UGT2B17: variants seen among roughly 807,000 people sequenced by gnomAD.
The protein encoded by UGT2B17 is UDP-glucuronosyltransferase 2B17.
Under a neutral mutation model 48.2 loss-of-function variants are expected in UGT2B17, and 21 were observed. The ratio of observed to expected loss-of-function variants is 0.44; its 90% confidence interval spans 0.31 to 0.63. UGT2B17 has a LOEUF of 0.63. UGT2B17 is among the 20% of genes least tolerant of loss of function. UGT2B17 has a pLI of 0.08. For synonymous variants in UGT2B17, 146 were observed against 238.4 expected, an observed-to-expected ratio of 0.61 and a Z score of 3.57; for missense variants, 402 against 696.1, an observed-to-expected ratio of 0.58 and a Z score of 4.75.
chr4:68,547,950 A>G (rs1369805321), intron 6 of UGT2B17, among the ~76,000 whole-genome samples: 1 of 126,658 alleles, frequency 7.9e-6, no homozygotes, highest in Non-Finnish European at 1.7e-5. Context: ...GGATATGGAG[A>G]AATAGGAACA....
Position 68,559,249 on chromosome 4 carries a change from G to T in UGT2B17, c.1005+1288C>A, listed in dbSNP as rs186561540. Among the ~76,000 whole-genome samples the T allele has an allele frequency of 2.8e-3, 351 of 125,446 alleles. 78 individuals carry two copies. Among genetic ancestry groups the T allele is most frequent in the Non-Finnish European group, 4.4e-3 (260 of 59,240 alleles). The allele number at this position is 125,446 out of a possible 152,430, so 82.3% of individuals were successfully genotyped here. On this transcript the variant is annotated intron_variant, in intron 4 of 6. Transcript: ENST00000317746. Reference sequence around the variant, plus strand: ...ACTAAATACTTAAACTGCACATATGGTGAGAAATAATGCTACATATGTAGT... The same window carrying T: ...ACTAAATACTTAAACTGCACATATGTTGAGAAATAATGCTACATATGTAGT...
intron 6 of UGT2B17, among the ~76,000 whole-genome samples, chr4:68,541,335 C>A (rs1273917094): frequency 7.9e-6 from 1 of 126,316 alleles, no homozygotes; most frequent in Non-Finnish European, 1.7e-5. Context: ...TTAATCATCT[C>A]CATTCTGACT....
chr4:68,547,334 C>T lies in UGT2B17; in HGVS notation c.1313+3343G>A, dbSNP rs1730833314. Among the ~76,000 whole-genome samples the T allele has an allele frequency of 1.6e-5, 2 of 126,398 alleles. 1 individual carries two copies. The highest frequency in any genetic ancestry group is 3.4e-5 in the Non-Finnish European group (2 of 59,674). The allele number at this position is 126,398 out of a possible 152,430, so 82.9% of individuals were successfully genotyped here. A position where few individuals can be genotyped will look rare whatever the true frequency, so the allele number is the denominator to read the frequency against. Reference sequence around the variant, plus strand: ...AAACAAGAAATGGGGAAAGGATTCCCTATTTAATAAATGGTGCTAGGAAAA... The same window carrying T: ...AAACAAGAAATGGGGAAAGGATTCCTTATTTAATAAATGGTGCTAGGAAAA... On this transcript the variant is annotated intron_variant, in intron 6 of 6. Transcript: ENST00000317746.
At chr4:68,558,662 T>C (rs1731048416) in intron 4 of UGT2B17, among the ~76,000 whole-genome samples, 1 of 126,088 alleles carries the variant, frequency 7.9e-6, no homozygotes, top group African/African-American at 2.7e-5. Flanking sequence ...CAGGACCTGC[T>C]TAGGAATAAA....
intron 6 of UGT2B17, among the ~76,000 whole-genome samples, chr4:68,545,202 A>C (rs1232289865): frequency 7.9e-6 from 1 of 126,472 alleles, no homozygotes; most frequent in African/African-American, 2.7e-5. Flanking sequence ...AATGTAAAAG[A>C]ACAGAAATTA....
rs560233063 is a variant in UGT2B17 at position 68,542,142 on chromosome 4, C to T, written c.1314-4238G>A. 1.4e-3 allele frequency among the ~76,000 whole-genome samples: 175 copies of T among 126,284 alleles called. 37 individuals are homozygous for T. Among genetic ancestry groups the T allele is most frequent in the Non-Finnish European group, 9.6e-4 (57 of 59,618 alleles). The allele number at this position is 126,284 out of a possible 152,430, so 82.8% of individuals were successfully genotyped here. A position where few individuals can be genotyped will look rare whatever the true frequency, so the allele number is the denominator to read the frequency against. On this transcript the variant is annotated intron_variant, in intron 6 of 6. Coordinates refer to ENST00000317746, the MANE Select transcript of UGT2B17 (RefSeq NM_001077.4). Reference sequence around the variant, plus strand: ...AAATAGGGAATCCTTCCCCTAATTGCTTGTTTTTGTCAGGTTTGTCAAAGA... The same window carrying T: ...AAATAGGGAATCCTTCCCCTAATTGTTTGTTTTTGTCAGGTTTGTCAAAGA...
chr4:68,547,787 A>G (rs934988555), intron 6 of UGT2B17, among the ~76,000 whole-genome samples: 3 of 127,068 alleles, frequency 2.4e-5, no homozygotes, highest in African/African-American at 8.1e-5. Context: ...ACACTTCTCA[A>G]AAGAAGACAT....
chr4:68,553,711 C>G (rs1487757342), intron 4 of UGT2B17, among the ~76,000 whole-genome samples: 1 of 124,676 alleles, frequency 8.0e-6, no homozygotes, highest in Admixed American at 8.3e-5. Context: ...TTATTTTTTT[C>G]CTCCTAGGAA....
Position 68,558,515 on chromosome 4 carries a change from G to C in UGT2B17, c.1005+2022C>G. Among the ~76,000 whole-genome samples, 2 of 126,114 alleles carry C rather than the reference G, an allele frequency of 1.6e-5. 1 individual carries two copies. Among genetic ancestry groups the C allele is most frequent in the Non-Finnish European group, 3.4e-5 (2 of 59,350 alleles). The allele number at this position is 126,114 out of a possible 152,430, so 82.7% of individuals were successfully genotyped here. ...TTTCATACCTGCCTACTGATTTATG[G>C]ACTTCAGAGTAATGTGGCCTATATT... On this transcript the variant is annotated intron_variant, in intron 4 of 6. Transcript: ENST00000317746.
chr4:68,542,612 G>A (rs1351581801), intron 6 of UGT2B17, among the ~76,000 whole-genome samples: 1 of 126,312 alleles, frequency 7.9e-6, no homozygotes, highest in African/African-American at 2.7e-5. Context: ...TGGGTGCAGC[G>A]CACCACGTGT....
At chr4:68,552,827 C>T (rs892286563) in intron 4 of UGT2B17, among the ~76,000 whole-genome samples, 2 of 125,374 alleles carry the variant, frequency 1.6e-5, no homozygotes, top group African/African-American at 2.7e-5. Context: ...CTGTACAACT[C>T]CTTTTTTTTT....
chr4:68,542,936 C>T lies in UGT2B17; in HGVS notation c.1314-5032G>A, dbSNP rs867213332. Among the ~76,000 whole-genome samples, 8 of 126,626 alleles carry T rather than the reference C, an allele frequency of 6.3e-5. 2 individuals carry two copies. The highest frequency in any genetic ancestry group is 7.9e-3 in the Middle Eastern group (2 of 254). 83.1% of individuals were successfully genotyped at this position (126,626 alleles called of 152,430 possible). ...CCATGGATTGAATAGGTAAACAAAGCGGCCCAGAAGCTTGAACTGGGTGGA... is the reference window on the plus strand; with the variant it reads ...CCATGGATTGAATAGGTAAACAAAGTGGCCCAGAAGCTTGAACTGGGTGGA... On this transcript the variant is annotated intron_variant, in intron 6 of 6. Coordinates refer to ENST00000317746, the MANE Select transcript of UGT2B17 (RefSeq NM_001077.4).
chr4:68,569,598 C>T (rs1731268069), intron 1 of UGT2B17, among the ~76,000 whole-genome samples: 1 of 124,698 alleles, frequency 8.0e-6, no homozygotes, highest in African/African-American at 2.8e-5. Flanking sequence ...CTCCTCCCTT[C>T]TCAGGCCCAG....
At position 68,547,836 on chromosome 4, in the gene UGT2B17, C is replaced by T. The variant is rs148721966; in HGVS notation, c.1313+2841G>A. On this transcript the variant is annotated intron_variant, in intron 6 of 6. Transcript: ENST00000317746. The stretch of plus-strand genomic sequence containing the variant: ...AGACATATGAAAAAATGCTCATCAT[C>T]GCTGGCCATCAGAGAAATGCAAATC... Among the ~76,000 whole-genome samples the T allele has an allele frequency of 6.9e-4, 87 of 126,742 alleles. 19 individuals are homozygous for T. The highest frequency in any genetic ancestry group is 1.6e-3 in the African/African-American group (61 of 37,116). The allele number at this position is 126,742 out of a possible 152,430, so 83.1% of individuals were successfully genotyped here. A position where few individuals can be genotyped will look rare whatever the true frequency, so the allele number is the denominator to read the frequency against.
At position 68,542,643 on chromosome 4, in the gene UGT2B17, A is replaced by G. The variant is rs1267625462; in HGVS notation, c.1314-4739T>C. On this transcript the variant is annotated intron_variant, in intron 6 of 6. Transcript: ENST00000317746. ...CGTGTGAGCCAAAGCATGGCGAGGC[A>G]TTGCCTCATCAGGGAAGCACAAGGG... Among the ~76,000 whole-genome samples, 3 of 127,008 alleles carry G rather than the reference A, an allele frequency of 2.4e-5. 1 individual carries two copies. Among genetic ancestry groups the G allele is most frequent in the Non-Finnish European group, 5.0e-5 (3 of 59,708 alleles). 83.3% of individuals were successfully genotyped at this position (127,008 alleles called of 152,430 possible).
rs1273571861 is a variant in UGT2B17, at chr4:68,555,010, G to T, written c.1006-3099C>A. Reference sequence around the variant, plus strand: ...AATTAATTGGCTTAAGAAAATAAAAGTGCTTGAATTAAATACTTTGCCAGA... The same window carrying T: ...AATTAATTGGCTTAAGAAAATAAAATTGCTTGAATTAAATACTTTGCCAGA... On this transcript the variant is annotated intron_variant, in intron 4 of 6. Transcript: ENST00000317746. Among the ~76,000 whole-genome samples the T allele has an allele frequency of 1.6e-5, 2 of 125,190 alleles. 1 individual carries two copies. Among genetic ancestry groups the T allele is most frequent in the Non-Finnish European group, 3.4e-5 (2 of 59,158 alleles). 82.1% of individuals were successfully genotyped at this position (125,190 alleles called of 152,430 possible).
At chr4:68,569,196 G>A (rs371769763) in intron 1 of UGT2B17, among the ~76,000 whole-genome samples, 9,457 of 92,466 alleles carry the variant, frequency 0.1, 591 homozygotes, top group East Asian at 0.18. Context: ...CAACTGCAAG[G>A]ACAGACCAGC....
In UGT2B17 at chr4:68,550,468, T is replaced by A. The variant is rs1231642690; in HGVS notation, c.1313+209A>T. ...TCTTTAATTTTTTTGATTTTATAAT[T>A]CATTGCAGTCATTGGTGACCCATTA... On this transcript the variant is annotated intron_variant, in intron 6 of 6. Transcript: ENST00000317746. Among the ~76,000 whole-genome samples the A allele has an allele frequency of 1.6e-5, 2 of 125,380 alleles. 1 individual carries two copies. The highest frequency in any genetic ancestry group is 3.4e-5 in the Non-Finnish European group (2 of 59,316). The allele number at this position is 125,380 out of a possible 152,430, so 82.3% of individuals were successfully genotyped here. A position where few individuals can be genotyped will look rare whatever the true frequency, so the allele number is the denominator to read the frequency against.
At chr4:68,552,427 C>A (rs1416977266) in intron 4 of UGT2B17, among the ~76,000 whole-genome samples, 2 of 126,242 alleles carry the variant, frequency 1.6e-5, no homozygotes, top group African/African-American at 5.4e-5. Context: ...CATTTCTGGA[C>A]TGAACAAATG....
Sources: gnomAD v4.1 joint callset for allele counts (sites outside exome capture counted in the v4.1 genomes callset) on GRCh38, gnomAD v4.1.1 for gene constraint, MANE v1.5 for transcripts, NCBI Gene and HGNC (gene_info 2026-07-23, HGNC 2026-07-21) for gene names.